The following IMMP1L variants were observed in gnomAD, a reference collection of about 807,000 sequenced individuals.
IMMP1L encodes inner mitochondrial membrane peptidase subunit 1, also known as mitochondrial inner membrane protease subunit 1.
IMMP1L carries 24 observed loss-of-function variants against 21.8 expected under a neutral mutation model. The observed-to-expected ratio is 1.10, with a 90% CI of 0.80 to 1.55. IMMP1L has a LOEUF of 1.55. Among genes scored for constraint, IMMP1L ranks in the 40% most tolerant of loss-of-function variants. The pLI, the probability that IMMP1L is intolerant of heterozygous loss-of-function variation, is 0.00. For synonymous variants in IMMP1L, 46 were observed against 62.8 expected (o/e 0.73, Z 1.26); for missense variants, 195 against 200.7 (o/e 0.97, Z 0.17).
At chr11:31,441,918 G>A (rs537473794) in intron 4 of IMMP1L, among the ~76,000 whole-genome samples, 6 of 152,020 alleles carry the variant, frequency 3.9e-5, no homozygotes, top group East Asian at 1.9e-4. Context: ...TGTTCATTAC[G>A]TCTCATAATC....
At chr11:31,500,070 G>C (rs995159774) in intron 1 of IMMP1L, among the ~76,000 whole-genome samples, 1 of 152,204 alleles carries the variant, frequency 6.6e-6, no homozygotes. Flanking sequence ...ATTAGAGAAC[G>C]ACTGGTCTGT....
chr11:31,452,608 A>C, intron 4 of IMMP1L: 2 of 985,788 alleles, frequency 2.0e-6, no homozygotes, highest in Non-Finnish European at 2.4e-6. Context: ...AAGATGTCTG[A>C]GCTTATGACA....
At chr11:31,489,021 C>G (rs1429972740) in intron 1 of IMMP1L, among the ~76,000 whole-genome samples, 1 of 152,016 alleles carries the variant, frequency 6.6e-6, no homozygotes, top group Non-Finnish European at 1.5e-5. Flanking sequence ...CTCAGCCTCC[C>G]GAGTAGCTGG....
chr11:31,489,210 T>G (rs1955178267), intron 1 of IMMP1L, among the ~76,000 whole-genome samples: 1 of 152,162 alleles, frequency 6.6e-6, no homozygotes, highest in Admixed American at 6.5e-5. Flanking sequence ...AAGTTTTATT[T>G]TTATTTGAAA....
intron 1 of IMMP1L, among the ~76,000 whole-genome samples, chr11:31,481,251 T>A (rs920908434): frequency 6.6e-6 from 1 of 152,152 alleles, no homozygotes; most frequent in African/African-American, 2.4e-5. Context: ...GTGAACCCAA[T>A]GCTAATGTGT....
chr11:31,477,894 C>A (rs896581426), intron 1 of IMMP1L: 1 of 152,152 alleles, frequency 6.6e-6, no homozygotes, highest in African/African-American at 2.4e-5. Context: ...GTTAAAAAAT[C>A]CTACAGCTAC....
intron 1 of IMMP1L, among the ~76,000 whole-genome samples, chr11:31,485,610 T>C (rs991344984): frequency 1.3e-5 from 2 of 151,902 alleles, no homozygotes; most frequent in Non-Finnish European, 2.9e-5. Flanking sequence ...ACTTAAGCTC[T>C]CACCTAAGTA....
chr11:31,482,830 A>C (rs1035607295), intron 1 of IMMP1L, among the ~76,000 whole-genome samples: 1 of 152,010 alleles, frequency 6.6e-6, no homozygotes, highest in African/African-American at 2.4e-5. Flanking sequence ...CTGACCAGTA[A>C]TTTTGCTCCC....
chr11:31,481,156 TCAG>T lies in IMMP1L; in HGVS notation c.-29-17854_-29-17852del, dbSNP rs1472501822. 3.3e-5 allele frequency among the ~76,000 whole-genome samples: 5 copies of T among 152,208 alleles called. No homozygotes were observed. In the South Asian group the frequency reaches 1.0e-3, roughly 32 times the overall value. ...CCTCCTTGTGATCTCTGGTTTCTGT[TCAG>T]CAGATGACAGCCAAATAATATGTTG... On this transcript the variant is annotated intron_variant, in intron 1 of 5. Transcript: ENST00000532287.
At position 31,456,293 on chromosome 11, in the gene IMMP1L, A is replaced by G. The variant is rs1953933907; in HGVS notation, c.288T>C (p.Thr96=). ...IGLEGDKILT[T]SPSDFFKSHS... ...GGCTTTTAAAGAAATCTGATGGACT[A>G]GTGGTGAGGATTTTGTCTCCTTCCA... The change falls in exon 4 of 6, where the codon ACT becomes ACC. Residue 96 remains threonine, a synonymous_variant. Transcript: ENST00000532287. 4 of 1,605,720 alleles carry G rather than the reference A, an allele frequency of 2.5e-6. No homozygotes were observed. Among genetic ancestry groups the G allele is most frequent in the Non-Finnish European group, 2.6e-6 (3 of 1,174,046 alleles).
chr11:31,472,220 A>C (rs1954577448), intron 1 of IMMP1L, among the ~76,000 whole-genome samples: 1 of 152,246 alleles, frequency 6.6e-6, no homozygotes, highest in South Asian at 2.1e-4. Context: ...ATTAGGATGC[A>C]GACATCTTTG....
At chr11:31,441,041 G>A (rs1953308425) in intron 4 of IMMP1L, among the ~76,000 whole-genome samples, 1 of 152,116 alleles carries the variant, frequency 6.6e-6, no homozygotes, top group Non-Finnish European at 1.5e-5. Context: ...ATTTCCATGA[G>A]ATAGCCAGAG....
intron 3 of IMMP1L, among the ~76,000 whole-genome samples, chr11:31,457,254 A>C (rs1347434892): frequency 1.3e-5 from 2 of 152,170 alleles, no homozygotes; most frequent in African/African-American, 4.8e-5. Context: ...AAAACCAATA[A>C]GGGTCTGATT....
chr11:31,490,249 G>A (rs766940964), intron 1 of IMMP1L, among the ~76,000 whole-genome samples: 13 of 152,154 alleles, frequency 8.5e-5, no homozygotes, highest in Non-Finnish European at 1.6e-4. Flanking sequence ...CAAGGTGGGT[G>A]GATCACGAGG....
chr11:31,480,193 T>G (rs991709873), intron 1 of IMMP1L, among the ~76,000 whole-genome samples: 4 of 152,072 alleles, frequency 2.6e-5, no homozygotes, highest in African/African-American at 9.6e-5. Flanking sequence ...GGTGTTATTG[T>G]AATTGGTTAC....
At chr11:31,456,220 A>G (rs748925185) in intron 4 of IMMP1L, 40 bp downstream of exon 4, 11 of 1,442,496 alleles carry the variant, frequency 7.6e-6, no homozygotes, top group Non-Finnish European at 1.1e-5. Context: ...ATGTTAATCA[A>G]TTATGACACC....
intron 4 of IMMP1L, among the ~76,000 whole-genome samples, chr11:31,437,894 T>C (rs942622371): frequency 6.6e-6 from 1 of 152,216 alleles, no homozygotes; most frequent in African/African-American, 2.4e-5. Context: ...CAAGTTTTTA[T>C]GATTAATCTA....
At chr11:31,446,694 C>A (rs1349404537) in intron 4 of IMMP1L, among the ~76,000 whole-genome samples, 5 of 152,202 alleles carry the variant, frequency 3.3e-5, no homozygotes, top group Admixed American at 2.0e-4. Context: ...ATGCTGCTTT[C>A]TTTGACTAAC....
intron 4 of IMMP1L, chr11:31,449,155 C>T (rs953249563): frequency 1.8e-5 from 15 of 826,944 alleles, no homozygotes; most frequent in Middle Eastern, 6.1e-4. Context: ...TTAGGCAGTT[C>T]TTCTATTTAA....
Sources: allele counts gnomAD v4.1 joint callset (sites outside exome capture counted in the v4.1 genomes callset), GRCh38; gene constraint gnomAD v4.1.1; transcripts MANE v1.5; gene names NCBI Gene and HGNC (gene_info 2026-07-23, HGNC 2026-07-21).